Variants in CDC42EP3 observed in about 807,000 individuals in gnomAD.
CDC42EP3 encodes CDC42 effector protein 3, also known as CDC42 effector protein (Rho GTPase binding) 3.
In CDC42EP3, 4 loss-of-function variants were observed where a neutral mutation model predicts 15.5. The ratio of observed to expected loss-of-function variants is 0.26; its 90% confidence interval spans 0.13 to 0.59. CDC42EP3 has a LOEUF of 0.59. Among genes scored for constraint, CDC42EP3 ranks in the 20% least tolerant of loss-of-function variants. The probability of loss-of-function intolerance (pLI) is 0.89; values close to 1 mark genes in which losing one functional copy is unlikely to be tolerated. For synonymous variants in CDC42EP3, 145 were observed against 130.3 expected, an observed-to-expected ratio of 1.11 and a Z score of -0.77; for missense variants, 309 against 311.2, an observed-to-expected ratio of 0.99 and a Z score of 0.05.
intron 1 of CDC42EP3, among the ~76,000 whole-genome samples, chr2:37,653,522 A>C (rs145276111): frequency 4.6e-5 from 7 of 152,164 alleles, no homozygotes; most frequent in Admixed American, 4.6e-4. Flanking sequence ...GGCAAACAGA[A>C]TGATGCTGAA....
chr2:37,646,750 T>C lies in CDC42EP3; in HGVS notation c.-163A>G. 1.4e-6 allele frequency: 1 copy of C among 690,668 alleles called. No homozygotes were observed. 42.8% of individuals were successfully genotyped at this position (690,668 alleles called of 1,614,324 possible). ...GAGATGGGGTCAAAGAGAACCTTCCTGAGGTTACGGCCAAGTGAGGCTTCC... is the reference window on the plus strand; with the variant it reads ...GAGATGGGGTCAAAGAGAACCTTCCCGAGGTTACGGCCAAGTGAGGCTTCC... On this transcript the variant is annotated 5_prime_UTR_variant, in exon 2 of 2. Transcript: ENST00000295324.
chr2:37,645,853 C>T lies in CDC42EP3; in HGVS notation c.735G>A (p.Glu245=). The change falls in exon 2 of 2, where the codon GAG becomes GAA. Residue 245 remains glutamate, a synonymous_variant. Coordinates refer to ENST00000295324, the MANE Select transcript of CDC42EP3 (RefSeq NM_006449.5). ...QLDLGPSLLD[E]VLNVMDKNK is the part of the protein sequence containing the mutation. ...TATTTTTATCCATTACATTCAGCAC[C>T]TCATCCAAAAGTGAGGGCCCAAGAT... 2 of 1,558,604 alleles carry T rather than the reference C, an allele frequency of 1.3e-6. No individual in the cohort carries two copies. Among genetic ancestry groups the T allele is most frequent in the Non-Finnish European group, 1.7e-6 (2 of 1,157,286 alleles).
intron 1 of CDC42EP3, 79 bp from the exon 2 acceptor site, chr2:37,646,901 T>C (rs1055036953): frequency 9.8e-6 from 2 of 203,810 alleles, no homozygotes; most frequent in Non-Finnish European, 2.1e-5. Context: ...CAAGAGCCTG[T>C]AAATAATGGC....
At chr2:37,658,601 C>A (rs557705577) in intron 1 of CDC42EP3, among the ~76,000 whole-genome samples, 1 of 152,300 alleles carries the variant, frequency 6.6e-6, no homozygotes, top group South Asian at 2.1e-4. Context: ...CCCCTGCCTG[C>A]CTTAGGCATC....
chr2:37,648,897 C>T (rs540744843), intron 1 of CDC42EP3, among the ~76,000 whole-genome samples: 1 of 152,222 alleles, frequency 6.6e-6, no homozygotes, highest in East Asian at 1.9e-4. Context: ...AGCTGGGTGG[C>T]CTGAGGAACA....
chr2:37,652,107 G>A (rs1467806685), intron 1 of CDC42EP3, among the ~76,000 whole-genome samples: 7 of 147,038 alleles, frequency 4.8e-5, no homozygotes, highest in African/African-American at 1.0e-4. Flanking sequence ...CCCGGGAGGC[G>A]GAGCTTGCAG....
intron 1 of CDC42EP3, among the ~76,000 whole-genome samples, chr2:37,661,510 G>C (rs1381156241): frequency 6.6e-6 from 1 of 152,204 alleles, no homozygotes; most frequent in Non-Finnish European, 1.5e-5. Context: ...GAATTACCTG[G>C]ACCGAGAGCC....
intron 1 of CDC42EP3, among the ~76,000 whole-genome samples, chr2:37,658,576 T>C (rs941469878): frequency 1.3e-5 from 2 of 152,194 alleles, no homozygotes; most frequent in African/African-American, 4.8e-5. Context: ...CAAATGGGAT[T>C]TGCCATCTTT....
intron 1 of CDC42EP3, among the ~76,000 whole-genome samples, chr2:37,664,014 C>T (rs778989582): frequency 6.5e-4 from 99 of 152,204 alleles, no homozygotes; most frequent in Non-Finnish European, 1.1e-3. Context: ...CTCTATTAAA[C>T]ATACAAAAAA....
chr2:37,653,849 G>T (rs1172218679), intron 1 of CDC42EP3, among the ~76,000 whole-genome samples: 1 of 152,174 alleles, frequency 6.6e-6, no homozygotes, highest in Non-Finnish European at 1.5e-5. Flanking sequence ...TGGGTTGAGG[G>T]GTGCTACTGC....
Position 37,669,352 on chromosome 2 carries a change from G to A in CDC42EP3, c.-236+2074C>T, listed in dbSNP as rs1041742351. On this transcript the variant is annotated intron_variant, in intron 1 of 1. Transcript: ENST00000295324. ...AAGCACAGCTTTTGTGAGCATGTTG[G>A]ACATAAAACAAAACACCACATTAAA... Among the ~76,000 whole-genome samples, 6 of 152,076 alleles carry A rather than the reference G, an allele frequency of 3.9e-5. No individual in the cohort carries two copies. The East Asian group carries it at 1.2e-3, about 29-fold the overall frequency.
At position 37,664,028 on chromosome 2, in the gene CDC42EP3, G is replaced by A. The variant is rs549836589; in HGVS notation, c.-236+7398C>T. ...TCTCTATTAAACATACAAAAAATTA[G>A]CCGGTCGTTGTGGAGGGTGCCTGTA... On this transcript the variant is annotated intron_variant, in intron 1 of 1. Transcript: ENST00000295324. Among the ~76,000 whole-genome samples, 51 of 152,262 alleles carry A rather than the reference G, an allele frequency of 3.3e-4. No homozygotes were observed. In the South Asian group the frequency reaches 6.6e-3, roughly 20 times the overall value.
intron 1 of CDC42EP3, among the ~76,000 whole-genome samples, chr2:37,666,689 T>A (rs1666261024): frequency 6.6e-6 from 1 of 152,216 alleles, no homozygotes; most frequent in Non-Finnish European, 1.5e-5. Flanking sequence ...AGCATCATGC[T>A]TTGTATTATA....
chr2:37,651,934 G>A (rs1229059939), intron 1 of CDC42EP3, among the ~76,000 whole-genome samples: 1 of 152,028 alleles, frequency 6.6e-6, no homozygotes, highest in Non-Finnish European at 1.5e-5. Context: ...CCAGCACTTT[G>A]GGAGGCCGAG....
Position 37,646,605 on chromosome 2 carries a change from T to C in CDC42EP3, c.-18A>G. The C allele has an allele frequency of 6.6e-7, 1 of 1,524,604 alleles. No homozygotes were observed. The highest frequency in any genetic ancestry group is 1.4e-5 in the African/African-American group (1 of 71,852). 94.4% of individuals were successfully genotyped at this position (1,524,604 alleles called of 1,614,324 possible). A position where few individuals can be genotyped will look rare whatever the true frequency, so the allele number is the denominator to read the frequency against. ...GCTGGCATTTTGGAATTTGAGAATG[T>C]CTATTTTGCAAGCGGGAGAAAGGGC... On this transcript the variant is annotated 5_prime_UTR_variant, in exon 2 of 2. Coordinates refer to ENST00000295324, the MANE Select transcript of CDC42EP3 (RefSeq NM_006449.5).
Position 37,643,813 on chromosome 2 carries a change from G to A in CDC42EP3, c.*2010C>T, listed in dbSNP as rs1484654765. The A allele has an allele frequency of 6.6e-6, 1 of 152,194 alleles. No individual in the cohort carries two copies. The highest frequency in any genetic ancestry group is 2.4e-5 in the African/African-American group (1 of 41,440). 9.4% of individuals were successfully genotyped at this position (152,194 alleles called of 1,614,324 possible). ...ATTTCTCTTTGGAACTGTGAACTGTGACGGGTGTGGTCCAACAGAAAAAAC... is the reference window on the plus strand; with the variant it reads ...ATTTCTCTTTGGAACTGTGAACTGTAACGGGTGTGGTCCAACAGAAAAAAC... On this transcript the variant is annotated 3_prime_UTR_variant, in exon 2 of 2. Coordinates refer to ENST00000295324, the MANE Select transcript of CDC42EP3 (RefSeq NM_006449.5).
intron 1 of CDC42EP3, among the ~76,000 whole-genome samples, chr2:37,657,867 G>A (rs1665929176): frequency 6.6e-6 from 1 of 152,140 alleles, no homozygotes; most frequent in African/African-American, 2.4e-5. Context: ...ATCCTACAGT[G>A]TACAGGACAA....
Position 37,654,914 on chromosome 2 carries a change from G to GA in CDC42EP3, c.-235-8093dup, listed in dbSNP as rs530725813. Among the ~76,000 whole-genome samples the GA allele has an allele frequency of 3.1e-3, 470 of 152,116 alleles. 1 individual carries two copies. The highest frequency in any genetic ancestry group is 5.1e-3 in the Non-Finnish European group (350 of 67,980). ...TCTGAATAATTTTAAAATTGAAGGG[G>GA]AAAAAAACCCCATAGTGTTAGATTT... On this transcript the variant is annotated intron_variant, in intron 1 of 1. Transcript: ENST00000295324.
chr2:37,670,867 G>A (rs532792807), intron 1 of CDC42EP3, among the ~76,000 whole-genome samples: 1 of 152,284 alleles, frequency 6.6e-6, no homozygotes, highest in East Asian at 1.9e-4. Flanking sequence ...CAAGGAGAAA[G>A]GGAAGAAAAC....
Sources: allele counts gnomAD v4.1 joint callset (sites outside exome capture counted in the v4.1 genomes callset), GRCh38; gene constraint gnomAD v4.1.1; transcripts MANE v1.5; gene names NCBI Gene and HGNC (gene_info 2026-07-23, HGNC 2026-07-21).